The following AHCYL2 variants were observed in gnomAD, a reference collection of about 807,000 sequenced individuals.
The protein encoded by AHCYL2 is S-adenosylhomocysteine hydrolase-like protein 2.
A neutral mutation model predicts 81.4 loss-of-function variants in AHCYL2; 28 were observed. The observed-to-expected ratio is 0.34, with a 90% CI of 0.25 to 0.47. The LOEUF (loss-of-function observed/expected upper bound fraction) is 0.47, where lower values mean the gene tolerates loss of function less well. Ranked by LOEUF, AHCYL2 falls within the 20% of genes least tolerant of loss-of-function variation. The pLI is 1.00. For synonymous variants in AHCYL2, 272 were observed against 290.2 expected (o/e 0.94, Z 0.64); for missense variants, 551 against 785.1 (o/e 0.70, Z 3.56).
chr7:129,272,665 A>G (rs1257235840), intron 1 of AHCYL2, among the ~76,000 whole-genome samples: 2 of 152,220 alleles, frequency 1.3e-5, no homozygotes, highest in African/African-American at 4.8e-5. Context: ...TACATAGACC[A>G]TAGAAAATGT....
In AHCYL2 at chr7:129,411,358, C is replaced by T. The variant is rs550238403; in HGVS notation, c.1366+1812C>T. Among the ~76,000 whole-genome samples the T allele has an allele frequency of 1.6e-4, 24 of 152,218 alleles. No individual in the cohort carries two copies. In the East Asian group the frequency reaches 3.7e-3, roughly 23 times the overall value. On this transcript the variant is annotated intron_variant, in intron 11 of 16. Coordinates refer to ENST00000325006, the MANE Select transcript of AHCYL2 (RefSeq NM_015328.4). ...ACTCCTTATTCCATCCTCCATCATC[C>T]GCCAGGCCTAGGCAACCACCATTTC...
chr7:129,412,592 A>G (rs1446429701), intron 11 of AHCYL2, among the ~76,000 whole-genome samples: 2 of 151,948 alleles, frequency 1.3e-5, no homozygotes, highest in Non-Finnish European at 2.9e-5. Context: ...GAATTGCCAA[A>G]CTTTTTAAAA....
At chr7:129,351,855 T>C (rs752326027) in intron 1 of AHCYL2, among the ~76,000 whole-genome samples, 5 of 152,208 alleles carry the variant, frequency 3.3e-5, no homozygotes, top group Admixed American at 6.5e-5. Flanking sequence ...GTTTGCCTTT[T>C]CTATGGTGTT....
At position 129,368,232 on chromosome 7, in the gene AHCYL2, G is replaced by A. The variant is rs1050444553; in HGVS notation, c.364-11406G>A. On this transcript the variant is annotated intron_variant, in intron 1 of 16. Transcript: ENST00000325006. The surrounding 1 kb of genome is among the most constrained non-coding windows in gnomAD (Gnocchi z 4.4). ...TGCCCTGTGAGAAGCACAGTGCCTGGGTGCAGCACTTTGCATCAGCTCTGA... is the reference window on the plus strand; with the variant it reads ...TGCCCTGTGAGAAGCACAGTGCCTGAGTGCAGCACTTTGCATCAGCTCTGA... 5 of 1,334,572 alleles carry A rather than the reference G, an allele frequency of 3.7e-6. No homozygotes were observed. The African/African-American group carries it at 7.4e-5, about 20-fold the overall frequency. 82.7% of individuals were successfully genotyped at this position (1,334,572 alleles called of 1,614,324 possible). A position where few individuals can be genotyped will look rare whatever the true frequency, so the allele number is the denominator to read the frequency against.
At chr7:129,358,489 C>T (rs546309140) in intron 1 of AHCYL2, among the ~76,000 whole-genome samples, 21 of 152,102 alleles carry the variant, frequency 1.4e-4, no homozygotes, top group African/African-American at 5.1e-4. Flanking sequence ...AAATGTCAGT[C>T]ACAAAAGGAC....
At chr7:129,336,885 T>C (rs1453375514) in intron 1 of AHCYL2, among the ~76,000 whole-genome samples, 6 of 152,122 alleles carry the variant, frequency 3.9e-5, no homozygotes, top group African/African-American at 1.4e-4. Flanking sequence ...TAGCTGGGAC[T>C]GCAAGCGCAA....
At chr7:129,395,101 T>A (rs576678352) in intron 4 of AHCYL2, among the ~76,000 whole-genome samples, 1 of 152,196 alleles carries the variant, frequency 6.6e-6, no homozygotes, top group South Asian at 2.1e-4. Flanking sequence ...TTAGAGTTCA[T>A]TGTATATCAA....
intron 1 of AHCYL2, among the ~76,000 whole-genome samples, chr7:129,289,978 C>T (rs897835732): frequency 1.3e-5 from 2 of 151,848 alleles, no homozygotes; most frequent in African/African-American, 4.8e-5. Flanking sequence ...GATGGGGTTT[C>T]TCCATGTTGG....
At chr7:129,320,827 T>G (rs1797989737) in intron 1 of AHCYL2, among the ~76,000 whole-genome samples, 1 of 152,174 alleles carries the variant, frequency 6.6e-6, no homozygotes, top group Non-Finnish European at 1.5e-5. Flanking sequence ...CTACTTTCTG[T>G]CTCTCGATTT....
chr7:129,355,031 G>C (rs1318774248), intron 1 of AHCYL2, among the ~76,000 whole-genome samples: 1 of 152,104 alleles, frequency 6.6e-6, no homozygotes, highest in African/African-American at 2.4e-5. Context: ...GACATGCATA[G>C]AATGGTGAAA....
intron 1 of AHCYL2, among the ~76,000 whole-genome samples, chr7:129,280,315 G>A (rs559283600): frequency 3.3e-4 from 50 of 151,562 alleles, no homozygotes; most frequent in Non-Finnish European, 5.9e-4. Context: ...GATTGCAGGC[G>A]CCCACCACCA....
rs1162797892 is a variant in AHCYL2 at position 129,419,035 on chromosome 7, A to C, written c.1462-3805A>C. On this transcript the variant is annotated intron_variant, in intron 12 of 16. Transcript: ENST00000325006. This position sits in a 1 kb window ranked among gnomAD's most constrained non-coding sequence, Gnocchi z 4.7. ...GATATTTTTAGTAATCAAAATTTTTAAAGAGTTTTTTTTCCTTTTTTGGTA... is the reference window on the plus strand; with the variant it reads ...GATATTTTTAGTAATCAAAATTTTTCAAGAGTTTTTTTTCCTTTTTTGGTA... 2.0e-5 allele frequency among the ~76,000 whole-genome samples: 3 copies of C among 152,226 alleles called. No homozygotes were observed. The highest frequency in any genetic ancestry group is 7.2e-5 in the African/African-American group (3 of 41,466).
chr7:129,244,896 C>G (rs919692857), intron 1 of AHCYL2, among the ~76,000 whole-genome samples: 5 of 152,048 alleles, frequency 3.3e-5, no homozygotes, highest in East Asian at 1.9e-4. Flanking sequence ...TATAACAACT[C>G]TTGATATTTT....
chr7:129,321,522 GAT>G, intron 1 of AHCYL2, among the ~76,000 whole-genome samples: 1 of 152,104 alleles, frequency 6.6e-6, no homozygotes, highest in Non-Finnish European at 1.5e-5. Context: ...ACTTGGTTGT[GAT>G]ATTATTCTTT....
intron 1 of AHCYL2, among the ~76,000 whole-genome samples, chr7:129,278,363 A>G (rs965375056): frequency 1.5e-4 from 23 of 152,088 alleles, no homozygotes; most frequent in African/African-American, 5.6e-4. Flanking sequence ...GGCGTGAGTC[A>G]CCACATCCAG....
chr7:129,247,111 C>T (rs1385393117), intron 1 of AHCYL2, among the ~76,000 whole-genome samples: 1 of 152,132 alleles, frequency 6.6e-6, no homozygotes. Context: ...TTGTGTGTTA[C>T]ATTTATGTGT....
rs188724984 is a variant in AHCYL2 at position 129,300,335 on chromosome 7, A to G, written c.363+74896A>G. The stretch of plus-strand genomic sequence containing the variant: ...TTTGGTAACCATCATTCTACTCTCT[A>G]TCTCCATGAGTTCAATTCTTTTAAT... On this transcript the variant is annotated intron_variant, in intron 1 of 16. Coordinates refer to ENST00000325006, the MANE Select transcript of AHCYL2 (RefSeq NM_015328.4). 1.6e-3 allele frequency among the ~76,000 whole-genome samples: 246 copies of G among 151,920 alleles called. 1 individual carries two copies. Among genetic ancestry groups the G allele is most frequent in the African/African-American group, 5.7e-3 (238 of 41,402 alleles).
At chr7:129,376,329 C>T (rs1794687615) in intron 1 of AHCYL2, among the ~76,000 whole-genome samples, 1 of 152,198 alleles carries the variant, frequency 6.6e-6, no homozygotes, top group Admixed American at 6.5e-5. Flanking sequence ...GAGAAAGATA[C>T]TCGTTTCTTG....
At chr7:129,238,116 A>G (rs942398621) in intron 1 of AHCYL2, among the ~76,000 whole-genome samples, 1 of 152,192 alleles carries the variant, frequency 6.6e-6, no homozygotes, top group Non-Finnish European at 1.5e-5. Context: ...GTGGTCACCT[A>G]TCTTTCAAAG....
Sources: allele counts gnomAD v4.1 joint callset (sites outside exome capture counted in the v4.1 genomes callset), GRCh38; gene constraint gnomAD v4.1.1; non-coding constraint Gnocchi (gnomAD v3.1); transcripts MANE v1.5; gene names NCBI Gene and HGNC (gene_info 2026-07-23, HGNC 2026-07-21).